The following TMEM184B variants were observed in gnomAD, a reference collection of about 807,000 sequenced individuals.
TMEM184B encodes transmembrane protein 184B.
A neutral mutation model predicts 41.8 loss-of-function variants in TMEM184B; 17 were observed. That is an observed-to-expected ratio of 0.41 (90% confidence interval 0.28 to 0.61). TMEM184B has a LOEUF of 0.61. TMEM184B is among the 20% of genes least tolerant of loss of function. The probability of loss-of-function intolerance (pLI) is 0.34; values close to 1 mark genes in which losing one functional copy is unlikely to be tolerated. For synonymous variants in TMEM184B, 240 were observed against 229.5 expected (o/e 1.05, Z -0.41); for missense variants, 393 against 557.8 (o/e 0.70, Z 2.98).
chr22:38,235,762 T>G (rs2267380), intron 3 of TMEM184B, among the ~76,000 whole-genome samples: 1 of 152,122 alleles, frequency 6.6e-6, no homozygotes, highest in South Asian at 2.1e-4. Context: ...CTCCAACATC[T>G]TAGCAAAGGT....
At chr22:38,234,436 C>T (rs2091717989) in intron 3 of TMEM184B, among the ~76,000 whole-genome samples, 2 of 152,164 alleles carry the variant, frequency 1.3e-5, no homozygotes, top group African/African-American at 2.4e-5. Context: ...CTGCCAAGGC[C>T]CAGAGGTCAT....
At chr22:38,242,312 CAAAAAAA>C (rs749920784) in intron 3 of TMEM184B, among the ~76,000 whole-genome samples, 2 of 109,490 alleles carry the variant, frequency 1.8e-5, no homozygotes, top group Non-Finnish European at 4.0e-5. Flanking sequence ...TACTAAAATA[CAAAAAAA>C]AAAAAAAAAT....
At chr22:38,217,176 AAAC>A (rs568873541), downstream of TMEM184B, among the ~76,000 whole-genome samples, 1,580 of 140,576 alleles carry the variant, frequency 0.011, 30 homozygotes, top group African/African-American at 0.038. Context: ...AAAATACAAA[AAAC>A]AACAACAACA....
At chr22:38,244,764 G>C (rs1224910016) in intron 3 of TMEM184B, among the ~76,000 whole-genome samples, 1 of 152,176 alleles carries the variant, frequency 6.6e-6, no homozygotes, top group Non-Finnish European at 1.5e-5. Context: ...CCCAATGCAG[G>C]GGTCTTGAGG....
chr22:38,259,569 A>G (rs5756999), intron 1 of TMEM184B, among the ~76,000 whole-genome samples: 7,203 of 152,242 alleles, frequency 0.047, 301 homozygotes, highest in African/African-American at 0.11. Flanking sequence ...GAAAGGCGCC[A>G]CAAGCCACAG....
chr22:38,243,588 T>A (rs1305320461), intron 3 of TMEM184B, among the ~76,000 whole-genome samples: 1 of 152,154 alleles, frequency 6.6e-6, no homozygotes, highest in Non-Finnish European at 1.5e-5. Flanking sequence ...GAGGTTTCCC[T>A]GGAGACTTGG....
At chr22:38,252,523 C>T (rs2092189424) in intron 1 of TMEM184B, among the ~76,000 whole-genome samples, 1 of 152,202 alleles carries the variant, frequency 6.6e-6, no homozygotes, top group Non-Finnish European at 1.5e-5. Flanking sequence ...TGCTCCAAGC[C>T]ATTCTTCATG....
intron 2 of TMEM184B, among the ~76,000 whole-genome samples, chr22:38,247,303 A>G (rs2092054351): frequency 6.6e-6 from 1 of 152,210 alleles, no homozygotes; most frequent in African/African-American, 2.4e-5. Context: ...GAAGGTGAAC[A>G]GAGTGACGAG....
chr22:38,252,489 C>G (rs962735476), intron 1 of TMEM184B, among the ~76,000 whole-genome samples: 8 of 152,348 alleles, frequency 5.3e-5, no homozygotes, highest in Middle Eastern at 6.8e-3. Context: ...CAGGCACCGG[C>G]AGACCCAGCC....
Position 38,226,738 on chromosome 22 carries a change from AAC to A in TMEM184B, c.617+39_617+40del, listed in dbSNP as rs1426363472. The A allele has an allele frequency of 6.4e-7, 1 of 1,553,636 alleles. No individual in the cohort carries two copies. The highest frequency in any genetic ancestry group is 1.4e-5 in the African/African-American group (1 of 73,524). Reference sequence around the variant, plus strand: ...CTGAGCCAAGGCACCAGCCTGCGCCAACACTCCTCCCACACACCCCGGGGAGC... The same window carrying A: ...CTGAGCCAAGGCACCAGCCTGCGCCAACTCCTCCCACACACCCCGGGGAGC... On this transcript the variant is annotated intron_variant, in intron 6 of 8. Coordinates refer to ENST00000361906, the MANE Select transcript of TMEM184B (RefSeq NM_012264.5). The surrounding 1 kb of genome is among the most constrained non-coding windows in gnomAD (Gnocchi z 4.6).
intron 1 of TMEM184B, among the ~76,000 whole-genome samples, chr22:38,262,959 AT>A (rs1398332020): frequency 6.6e-6 from 1 of 152,160 alleles, no homozygotes; most frequent in Admixed American, 6.5e-5. Flanking sequence ...CTGGAGTACA[AT>A]GGCATGATCT....
chr22:38,234,030 A>G (rs2091706259), intron 3 of TMEM184B, among the ~76,000 whole-genome samples: 1 of 149,544 alleles, frequency 6.7e-6, no homozygotes, highest in Non-Finnish European at 1.5e-5. Flanking sequence ...CGGCCTCCCA[A>G]AGTGCTGAGA....
At chr22:38,228,406 A>AAGC (rs57862768) in intron 5 of TMEM184B, among the ~76,000 whole-genome samples, 65,254 of 151,180 alleles carry the variant, frequency 0.43, 14,258 homozygotes, top group South Asian at 0.58. Context: ...AGAGAAGCTG[A>AAGC]AGCAGCAGCA....
rs2091845474 is a variant in TMEM184B at position 38,238,978 on chromosome 22, C to T, written c.358+6957G>A. The stretch of plus-strand genomic sequence containing the variant: ...AAACACGTGGGAAAACTGTGAAATG[C>T]CACGCAAACATTCCTAACAAACAGC... On this transcript the variant is annotated intron_variant, in intron 3 of 8. Transcript: ENST00000361906. Among the ~76,000 whole-genome samples, 3 of 152,168 alleles carry T rather than the reference C, an allele frequency of 2.0e-5. No individual in the cohort carries two copies. In the South Asian group the frequency reaches 6.2e-4, roughly 32 times the overall value.
rs1456332461 is a variant in TMEM184B, at chr22:38,225,024, C to A, written c.788-45G>T. The A allele has an allele frequency of 1.3e-6, 2 of 1,490,432 alleles. No homozygotes were observed. The highest frequency in any genetic ancestry group is 2.1e-5 in the Admixed American group (1 of 47,172). 92.3% of individuals were successfully genotyped at this position (1,490,432 alleles called of 1,614,324 possible). A position where few individuals can be genotyped will look rare whatever the true frequency, so the allele number is the denominator to read the frequency against. On this transcript the variant is annotated intron_variant, in intron 7 of 8. Coordinates refer to ENST00000361906, the MANE Select transcript of TMEM184B (RefSeq NM_012264.5). This position sits in a 1 kb window ranked among gnomAD's most constrained non-coding sequence, Gnocchi z 4.4. ...TGTCTGGACCCAGAATGATTCCTTT[C>A]CTGCTCCCCCTTCTTCCACAATGCC...
intron 5 of TMEM184B, among the ~76,000 whole-genome samples, chr22:38,228,819 C>G (rs2091528177): frequency 6.6e-6 from 1 of 152,158 alleles, no homozygotes; most frequent in African/African-American, 2.4e-5. Context: ...GCCCACAGGG[C>G]TGGGGAATAA....
downstream of TMEM184B, among the ~76,000 whole-genome samples, chr22:38,218,335 T>C (rs2146032352): frequency 6.6e-6 from 1 of 152,338 alleles, no homozygotes; most frequent in Non-Finnish European, 1.5e-5. Flanking sequence ...GTGTCTGTTC[T>C]TAGCTGTGGG....
At chr22:38,272,468 C>T (rs1346004300) in intron 1 of TMEM184B, 2 of 985,400 alleles carry the variant, frequency 2.0e-6, no homozygotes, top group Non-Finnish European at 2.4e-6. Flanking sequence ...CACTGCCACC[C>T]GCACAGGGCA....
In TMEM184B at chr22:38,225,486, G is replaced by C; in HGVS notation, c.725C>G (p.Pro242Arg). 1 of 1,594,980 alleles carries C rather than the reference G, an allele frequency of 6.3e-7. No homozygotes were observed. Among genetic ancestry groups the C allele is most frequent in the Non-Finnish European group, 8.5e-7 (1 of 1,173,486 alleles). ...FYFATRELLS[P>R]YSPVLKFFMV... ...GAAGAACTTGAGGACGGGGCTGTAG[G>C]GGCTGAGCAGCTCCCGGGTGGCGAA... The change falls in exon 7 of 9, where the codon CCC becomes CGC. Residue 242 changes from proline (P) to arginine (R), a missense_variant. Pro to Arg is a moderately radical substitution (Grantham distance 103). This residue lies in a region of TMEM184B where 271 missense variants were observed against 434.1 expected (regional missense o/e 0.62). Coordinates refer to ENST00000361906, the MANE Select transcript of TMEM184B (RefSeq NM_012264.5). The surrounding 1 kb of genome is among the most constrained non-coding windows in gnomAD (Gnocchi z 4.4).
Sources: gnomAD v4.1 joint callset for allele counts (sites outside exome capture counted in the v4.1 genomes callset) on GRCh38, gnomAD v4.1.1 for gene constraint, gnomAD v4.1.1 regional missense constraint, Gnocchi (gnomAD v3.1) non-coding constraint, MANE v1.5 for transcripts, NCBI Gene and HGNC (gene_info 2026-07-23, HGNC 2026-07-21) for gene names.